Variants in TMCO5A observed in about 807,000 individuals in gnomAD.
TMCO5A encodes transmembrane and coiled-coil domains 5A, also known as transmembrane and coiled-coil domain-containing protein 5A.
Under a neutral mutation model 42.3 loss-of-function variants are expected in TMCO5A, and 34 were observed. That is an observed-to-expected ratio of 0.80 (90% CI 0.61 to 1.07). The LOEUF (loss-of-function observed/expected upper bound fraction) is 1.07, where lower values mean the gene tolerates loss of function less well. Ranked by LOEUF, TMCO5A falls within the 50% of genes least tolerant of loss-of-function variation. The pLI is 0.00. For synonymous variants in TMCO5A, 131 were observed against 115.6 expected (o/e 1.13, Z -0.86); for missense variants, 357 against 327.9 (o/e 1.09, Z -0.69).
downstream of TMCO5A, among the ~76,000 whole-genome samples, chr15:37,954,457 A>G (rs1890234945): frequency 6.6e-6 from 1 of 152,168 alleles, no homozygotes; most frequent in South Asian, 2.1e-4. Flanking sequence ...TCTGGTGAAA[A>G]TGTCCTTCAA....
At chr15:37,996,521 C>T in the TMCO5A span, among the ~76,000 whole-genome samples, 1 of 152,170 alleles carries the variant, frequency 6.6e-6, no homozygotes, top group Non-Finnish European at 1.5e-5. Flanking sequence ...AGATCTTTCA[C>T]TTAAATGTCT....
At chr15:38,018,279 C>T in the TMCO5A span, among the ~76,000 whole-genome samples, 4 of 150,614 alleles carry the variant, frequency 2.7e-5, no homozygotes, top group African/African-American at 7.5e-5. Context: ...CATAACTAAG[C>T]TGAAGACTTA....
chr15:37,991,175 T>C, the TMCO5A span, among the ~76,000 whole-genome samples: 71 of 152,152 alleles, frequency 4.7e-4, no homozygotes, highest in Non-Finnish European at 9.7e-4. Context: ...CCCAGATATT[T>C]ACCTTTGCTG....
the TMCO5A span, among the ~76,000 whole-genome samples, chr15:37,975,989 TC>T: frequency 1 from 150,896 of 150,896 alleles, 75,448 homozygotes; most frequent in Non-Finnish European, 1. Flanking sequence ...ACGCCTGTAA[TC>T]CCCAGCACTT....
At chr15:38,028,829 T>G in the TMCO5A span, among the ~76,000 whole-genome samples, 1 of 152,146 alleles carries the variant, frequency 6.6e-6, no homozygotes, top group Admixed American at 6.5e-5. Flanking sequence ...GGATCTCCAG[T>G]GCACTTGATG....
At chr15:37,983,841 C>G in the TMCO5A span, among the ~76,000 whole-genome samples, 1 of 151,836 alleles carries the variant, frequency 6.6e-6, no homozygotes. Context: ...TCTCCTGCCT[C>G]AGCCTCCCAA....
the TMCO5A span, among the ~76,000 whole-genome samples, chr15:38,037,670 A>G: frequency 1.3e-5 from 2 of 152,188 alleles, no homozygotes; most frequent in South Asian, 4.1e-4. Context: ...ATCACCACAC[A>G]ATGTCCCACA....
chr15:37,943,375 G>C lies in TMCO5A; in HGVS notation c.604G>C (p.Glu202Gln), dbSNP rs1305003887. Reference sequence around the variant, plus strand: ...CGTGAGCATGAACCCTGTGGAAAAAGAGCATACCAGCCAAAATAATGAGGT... The same window carrying C: ...CGTGAGCATGAACCCTGTGGAAAAACAGCATACCAGCCAAAATAATGAGGT... Reference protein sequence around the residue: ...KLVSMNPVEKEHTSQNNEGTP... With the variant: ...KLVSMNPVEKQHTSQNNEGTP... The change falls in exon 10 of 12, where the codon GAG becomes CAG. Residue 202 changes from glutamate (E) to glutamine (Q), a missense_variant. Transcript: ENST00000319669. 2 of 1,612,250 alleles carry C rather than the reference G, an allele frequency of 1.2e-6. No individual in the cohort carries two copies. The highest frequency in any genetic ancestry group is 1.3e-5 in the African/African-American group (1 of 74,790).
chr15:37,998,055 T>A, the TMCO5A span, among the ~76,000 whole-genome samples: 128 of 152,222 alleles, frequency 8.4e-4, no homozygotes, highest in Non-Finnish European at 1.6e-3. Flanking sequence ...TGTTAAAATT[T>A]TTTCCTATAG....
chr15:37,958,440 C>G (rs1351833724), intron 11 of TMCO5A, among the ~76,000 whole-genome samples: 3 of 152,120 alleles, frequency 2.0e-5, no homozygotes, highest in Non-Finnish European at 2.9e-5. Context: ...AGGATATGGA[C>G]AGACACTTTC....
chr15:37,971,973 T>G (rs189443915), downstream of TMCO5A, among the ~76,000 whole-genome samples: 17 of 152,346 alleles, frequency 1.1e-4, no homozygotes, highest in East Asian at 3.3e-3. Flanking sequence ...AACCTCTGCC[T>G]GTTACCAAGT....
At chr15:38,034,974 T>C in the TMCO5A span, among the ~76,000 whole-genome samples, 2 of 152,144 alleles carry the variant, frequency 1.3e-5, no homozygotes, top group Admixed American at 1.3e-4. Context: ...ACACAGTCCT[T>C]CTTCCTTGGT....
At chr15:37,969,123 T>C (rs1244690957), downstream of TMCO5A, among the ~76,000 whole-genome samples, 4 of 152,196 alleles carry the variant, frequency 2.6e-5, no homozygotes, top group African/African-American at 9.7e-5. Flanking sequence ...TAATTCTCCA[T>C]GTCTACGTCC....
In TMCO5A at chr15:37,938,166, G is replaced by A. The variant is rs1393016663; in HGVS notation, c.324G>A (p.Arg108=). 8 of 1,576,590 alleles carry A rather than the reference G, an allele frequency of 5.1e-6. No individual in the cohort carries two copies. The highest frequency in any genetic ancestry group is 2.3e-5 in the South Asian group (2 of 85,988). The stretch of plus-strand genomic sequence containing the variant: ...TTTATTTGAAACTATAGCTTACAAG[G>A]AAATCACAAAAGATAACCAATTGTG... ...SITELQQKLT[R]KSQKITNCEQ... The change falls in exon 6 of 12, where the codon AGG becomes AGA. Residue 108 remains arginine (R), a synonymous_variant. Transcript: ENST00000319669.
At chr15:38,013,190 A>G in the TMCO5A span, among the ~76,000 whole-genome samples, 1 of 152,112 alleles carries the variant, frequency 6.6e-6, no homozygotes, top group Non-Finnish European at 1.5e-5. Flanking sequence ...GCCACCCACA[A>G]AGATGTTGCT....
At chr15:37,968,578 A>G (rs1455179231), downstream of TMCO5A, among the ~76,000 whole-genome samples, 3 of 138,396 alleles carry the variant, frequency 2.2e-5, no homozygotes, top group Admixed American at 1.4e-4. Flanking sequence ...ACACTTCTAC[A>G]TTTCTTTTTT....
At chr15:37,970,064 G>A (rs1890646363), downstream of TMCO5A, among the ~76,000 whole-genome samples, 1 of 152,164 alleles carries the variant, frequency 6.6e-6, no homozygotes, top group African/African-American at 2.4e-5. Context: ...GGGTTGAATG[G>A]TTAATTCTGT....
downstream of TMCO5A, among the ~76,000 whole-genome samples, chr15:37,952,172 T>G (rs1194221323): frequency 6.6e-6 from 1 of 152,020 alleles, no homozygotes; most frequent in African/African-American, 2.4e-5. Flanking sequence ...AACTTGAAAT[T>G]CCTAGGTGAG....
chr15:38,027,634 G>T, the TMCO5A span, among the ~76,000 whole-genome samples: 1 of 152,104 alleles, frequency 6.6e-6, no homozygotes. Flanking sequence ...TGAGATTTGG[G>T]TGGGGCCAGG....
Sources: gnomAD v4.1 joint callset for allele counts (sites outside exome capture counted in the v4.1 genomes callset) on GRCh38, gnomAD v4.1.1 for gene constraint, MANE v1.5 for transcripts, NCBI Gene and HGNC (gene_info 2026-07-23, HGNC 2026-07-21) for gene names.